The following ADAM22 variants were observed in gnomAD, a reference collection of about 807,000 sequenced individuals.
The protein encoded by ADAM22 is ADAM metallopeptidase domain 22.
Under a neutral mutation model 144.6 loss-of-function variants are expected in ADAM22, and 65 were observed. The ratio of observed to expected loss-of-function variants is 0.45; its 90% CI spans 0.37 to 0.55. The LOEUF (loss-of-function observed/expected upper bound fraction) is 0.55. Ranked by LOEUF, ADAM22 falls within the 20% of genes least tolerant of loss-of-function variation. The pLI is 0.00. For missense variants in ADAM22, 974 were observed against 1,184.9 expected, an observed-to-expected ratio of 0.82 and a Z score of 2.61; for synonymous variants, 391 against 412.6, an observed-to-expected ratio of 0.95 and a Z score of 0.63.
chr7:87,963,598 G>A (rs1397276009), intron 2 of ADAM22, among the ~76,000 whole-genome samples: 2 of 152,122 alleles, frequency 1.3e-5, no homozygotes, highest in Non-Finnish European at 2.9e-5. Context: ...CTCCAGTAGA[G>A]GCAAGAATTA....
intron 2 of ADAM22, among the ~76,000 whole-genome samples, chr7:87,977,738 T>C (rs993359705): frequency 8.0e-5 from 12 of 150,802 alleles, no homozygotes; most frequent in African/African-American, 2.9e-4. Flanking sequence ...AAATAGTGAA[T>C]TTTTTTTTTC....
intron 3 of ADAM22, among the ~76,000 whole-genome samples, chr7:88,025,481 TTAG>T (rs1563053909): frequency 2.0e-5 from 3 of 152,250 alleles, no homozygotes; most frequent in South Asian, 4.1e-4. Flanking sequence ...ATATTTTGTT[TTAG>T]TAGTTTCAGA....
intron 3 of ADAM22, among the ~76,000 whole-genome samples, chr7:87,990,358 A>G (rs1789501726): frequency 6.6e-6 from 1 of 152,236 alleles, no homozygotes; most frequent in South Asian, 2.1e-4. Flanking sequence ...ATGTTTTTAC[A>G]TTGTAACTGA....
At chr7:88,193,374 A>C in intron 31 of ADAM22, 135 bp downstream of exon 31, 2 of 1,059,540 alleles carry the variant, frequency 1.9e-6, no homozygotes, top group South Asian at 3.9e-5. Context: ...GAAAATAAGG[A>C]GATTCTTGAG....
chr7:87,982,064 T>TACACAC (rs1250869235), intron 3 of ADAM22, among the ~76,000 whole-genome samples: 23 of 79,320 alleles, frequency 2.9e-4, no homozygotes, highest in East Asian at 1.3e-3. Flanking sequence ...TATATATATA[T>TACACAC]ATATACACAC....
At chr7:87,960,036 A>C (rs1482509483) in intron 2 of ADAM22, among the ~76,000 whole-genome samples, 1 of 152,126 alleles carries the variant, frequency 6.6e-6, no homozygotes, top group Non-Finnish European at 1.5e-5. Flanking sequence ...TCAGCTTCTT[A>C]TTAATCTGGG....
intron 3 of ADAM22, among the ~76,000 whole-genome samples, chr7:87,991,361 T>C (rs972840189): frequency 7.1e-6 from 1 of 140,512 alleles, no homozygotes; most frequent in African/African-American, 2.7e-5. Context: ...TATTTTTTTT[T>C]TTTTTTTTTT....
chr7:88,075,661 T>A lies in ADAM22; in HGVS notation c.359T>A (p.Ile120Asn), dbSNP rs771777317. Residue 120 changes from isoleucine (I) to asparagine (N), a missense_variant, in exon 4 of 32, where the codon ATT (isoleucine) becomes AAT (asparagine). Around this residue, in one of 2 missense-constraint regions of ADAM22, gnomAD observed 240 missense variants for 234.3 expected, o/e 1.02. Transcript: ENST00000413139. The stretch of plus-strand genomic sequence containing the variant: ...TCCTCTGAATACATAGAGAGACACA[T>A]TGAACATGGAGGCAAGACTGTGGAA... ...LLSSEYIERH[I>N]EHGGKTVEVK... 1.2e-6 allele frequency: 2 copies of A among 1,613,874 alleles called. No homozygotes were observed. The highest frequency in any genetic ancestry group is 1.7e-6 in the Non-Finnish European group (2 of 1,179,966).
chr7:88,073,686 G>T (rs1813432307), intron 3 of ADAM22, among the ~76,000 whole-genome samples: 1 of 152,154 alleles, frequency 6.6e-6, no homozygotes, highest in African/African-American at 2.4e-5. Context: ...AGGGTAGAGG[G>T]GCCATGCCAG....
At chr7:88,194,474 G>A (rs1850269665) in intron 31 of ADAM22, among the ~76,000 whole-genome samples, 1 of 152,108 alleles carries the variant, frequency 6.6e-6, no homozygotes, top group South Asian at 2.1e-4. Flanking sequence ...CCTGTCTCTG[G>A]GCTGTCTCTG....
intron 29 of ADAM22, among the ~76,000 whole-genome samples, chr7:88,182,586 A>G (rs571816159): frequency 6.6e-6 from 1 of 152,272 alleles, no homozygotes; most frequent in South Asian, 2.1e-4. Flanking sequence ...TAACTGAATC[A>G]TTGTCACTAA....
intron 13 of ADAM22, 134 bp downstream of exon 13, chr7:88,134,553 C>T: frequency 1.7e-6 from 1 of 599,908 alleles, no homozygotes; most frequent in Non-Finnish European, 2.8e-6. Context: ...ACATCCAGCG[C>T]ACAAACTGTT....
chr7:87,934,654 G>A, intron 1 of ADAM22, 104 bp downstream of exon 1: 1 of 1,101,388 alleles, frequency 9.1e-7, no homozygotes, highest in Non-Finnish European at 1.2e-6. Flanking sequence ...CCGAGTGCGC[G>A]GGGAGATTTT....
chr7:88,086,565 C>T (rs951715374), intron 4 of ADAM22, among the ~76,000 whole-genome samples: 12 of 152,234 alleles, frequency 7.9e-5, no homozygotes, highest in Middle Eastern at 3.4e-3. Context: ...CTTTCACTTA[C>T]GTTTATTTTC....
chr7:88,124,324 G>T (rs1829955757), intron 7 of ADAM22, among the ~76,000 whole-genome samples: 1 of 151,740 alleles, frequency 6.6e-6, no homozygotes, highest in Non-Finnish European at 1.5e-5. Flanking sequence ...TAGGAGCATT[G>T]TGTCTTTTTG....
intron 2 of ADAM22, among the ~76,000 whole-genome samples, chr7:87,972,689 A>G (rs1371510727): frequency 6.6e-6 from 1 of 152,214 alleles, no homozygotes; most frequent in Non-Finnish European, 1.5e-5. Flanking sequence ...CACTATACCT[A>G]CAAAGCTACA....
At chr7:88,087,461 G>A (rs935042418) in intron 4 of ADAM22, among the ~76,000 whole-genome samples, 4 of 152,130 alleles carry the variant, frequency 2.6e-5, no homozygotes, top group Non-Finnish European at 5.9e-5. Flanking sequence ...TTGAATGAAC[G>A]TATGAGGAAA....
intron 2 of ADAM22, among the ~76,000 whole-genome samples, chr7:87,949,786 C>A (rs1211083004): frequency 6.7e-6 from 1 of 149,908 alleles, no homozygotes; most frequent in Admixed American, 6.6e-5. Context: ...GACTAACAAC[C>A]TAATCTAAAA....
At position 88,108,229 on chromosome 7, in the gene ADAM22, TG is replaced by T; in HGVS notation, c.445del (p.Val149LeufsTer59). 1 of 1,613,858 alleles carries T rather than the reference TG, an allele frequency of 6.2e-7. No homozygotes were observed. Among genetic ancestry groups the T allele is most frequent in the Non-Finnish European group, 8.5e-7 (1 of 1,179,896 alleles). ...ATATCCGAGGAAACCCTGACTCATT[TG>T]TTGCATTGTCAACATGCCACGGACT... ...GHIRGNPDSF[V>X]ALSTCHGLHG... On this transcript the variant is annotated frameshift_variant, in exon 5 of 32. Transcript: ENST00000413139. LOFTEE classifies it high-confidence loss of function.
Sources: allele counts gnomAD v4.1 joint callset (sites outside exome capture counted in the v4.1 genomes callset), GRCh38; gene constraint gnomAD v4.1.1; regional missense constraint gnomAD v4.1.1; transcripts MANE v1.5; gene names NCBI Gene and HGNC (gene_info 2026-07-23, HGNC 2026-07-21).